The following SPATA16 variants were observed in gnomAD, a reference collection of about 807,000 sequenced individuals.
The protein encoded by SPATA16 is spermatogenesis associated 16, also known as spermatogenesis-associated protein 16.
Under a neutral mutation model 63.3 loss-of-function variants are expected in SPATA16, and 36 were observed. The ratio of observed to expected loss-of-function variants is 0.57; its 90% CI spans 0.44 to 0.75. The LOEUF (loss-of-function observed/expected upper bound fraction) is 0.75, where lower values mean the gene tolerates loss of function less well. Ranked by LOEUF, SPATA16 falls within the 30% of genes least tolerant of loss-of-function variation. SPATA16 has a pLI of 0.00. For synonymous variants in SPATA16, 203 were observed against 216.7 expected, an observed-to-expected ratio of 0.94 and a Z score of 0.56; for missense variants, 646 against 679.3, an observed-to-expected ratio of 0.95 and a Z score of 0.54.
chr3:173,037,327 A>G (rs1247828673), intron 3 of SPATA16, among the ~76,000 whole-genome samples: 2 of 152,078 alleles, frequency 1.3e-5, no homozygotes, highest in Non-Finnish European at 2.9e-5. Flanking sequence ...CTACTTTCCC[A>G]GAGCCTGTAT....
chr3:172,999,256 T>A (rs996407697), intron 4 of SPATA16, among the ~76,000 whole-genome samples: 2 of 152,220 alleles, frequency 1.3e-5, no homozygotes, highest in African/African-American at 2.4e-5. Context: ...CTATTTCTTC[T>A]TGTGTGAATT....
At chr3:173,076,390 T>C (rs1736803319) in intron 2 of SPATA16, among the ~76,000 whole-genome samples, 1 of 143,650 alleles carries the variant, frequency 7.0e-6, no homozygotes, top group Non-Finnish European at 1.5e-5. Context: ...TCCTGGTTAG[T>C]ATAAAATTTT....
chr3:172,898,268 G>A (rs1464443452), intron 10 of SPATA16, among the ~76,000 whole-genome samples: 1 of 151,820 alleles, frequency 6.6e-6, no homozygotes, highest in Non-Finnish European at 1.5e-5. Flanking sequence ...ACATGAATTG[G>A]GAAGGGTTTG....
intron 6 of SPATA16, among the ~76,000 whole-genome samples, chr3:172,928,808 G>T (rs895205386): frequency 1.3e-5 from 2 of 152,120 alleles, no homozygotes; most frequent in African/African-American, 4.8e-5. Flanking sequence ...AAATGTAGGA[G>T]GCTCCTATAT....
intron 2 of SPATA16, among the ~76,000 whole-genome samples, chr3:173,108,272 T>G (rs2108330025): frequency 6.6e-6 from 1 of 152,148 alleles, no homozygotes; most frequent in East Asian, 1.9e-4. Flanking sequence ...AGTCATTAAG[T>G]AAGTTAATTT....
intron 10 of SPATA16, among the ~76,000 whole-genome samples, chr3:172,910,934 G>A (rs373885220): frequency 3.3e-5 from 5 of 152,342 alleles, no homozygotes; most frequent in South Asian, 4.1e-4. Flanking sequence ...TTTCGTGCCA[G>A]TTGTTAACCT....
chr3:172,896,244 G>T (rs144166008), intron 10 of SPATA16, among the ~76,000 whole-genome samples: 18 of 152,194 alleles, frequency 1.2e-4, no homozygotes, highest in Admixed American at 3.9e-4. Flanking sequence ...TTTTTGAGAC[G>T]GAGTCTCGCT....
chr3:172,894,621 A>G (rs973571516), intron 10 of SPATA16, among the ~76,000 whole-genome samples: 4 of 152,202 alleles, frequency 2.6e-5, no homozygotes, highest in African/African-American at 9.7e-5. Flanking sequence ...CCAGGAAACT[A>G]TGTGTTATGG....
rs1159635103 is a variant in SPATA16, at chr3:173,019,977, T to A, written c.759-402A>T. On this transcript the variant is annotated intron_variant, in intron 3 of 10. Coordinates refer to ENST00000351008, the MANE Select transcript of SPATA16 (RefSeq NM_031955.6). ...TTTAATGAAGAAAGAGATTGTTAGT[T>A]GCTGAATTTCAGTTAAAAAAAAAAA... is the stretch of plus-strand genomic sequence containing the variant. Among the ~76,000 whole-genome samples, 4 of 150,690 alleles carry A rather than the reference T, an allele frequency of 2.7e-5. No homozygotes were observed. The South Asian group carries it at 6.3e-4, about 24-fold the overall frequency.
intron 5 of SPATA16, among the ~76,000 whole-genome samples, chr3:172,963,507 A>G (rs975005846): frequency 6.6e-6 from 1 of 151,912 alleles, no homozygotes; most frequent in Admixed American, 6.6e-5. Context: ...ACTGCTATAT[A>G]ATTTTAGAAC....
intron 2 of SPATA16, among the ~76,000 whole-genome samples, chr3:173,062,881 G>A (rs753384489): frequency 3.9e-5 from 6 of 152,078 alleles, no homozygotes; most frequent in African/African-American, 7.2e-5. Context: ...TAGATCCCTC[G>A]CATATACAGT....
chr3:172,917,483 G>T (rs993393831), intron 8 of SPATA16, among the ~76,000 whole-genome samples: 2 of 152,128 alleles, frequency 1.3e-5, no homozygotes, highest in Non-Finnish European at 2.9e-5. Flanking sequence ...TAGAGCAGGG[G>T]CCCCCTGGAC....
At chr3:173,011,937 C>G (rs1459370871) in intron 4 of SPATA16, among the ~76,000 whole-genome samples, 3 of 152,060 alleles carry the variant, frequency 2.0e-5, no homozygotes, top group African/African-American at 7.2e-5. Context: ...CCTTAGCCTA[C>G]TGAGTAGCTA....
At chr3:172,908,353 A>G (rs1248164785) in intron 10 of SPATA16, among the ~76,000 whole-genome samples, 1 of 152,220 alleles carries the variant, frequency 6.6e-6, no homozygotes, top group Non-Finnish European at 1.5e-5. Context: ...TTGTATTTGC[A>G]TAGCTAAACC....
At position 173,061,041 on chromosome 3, in the gene SPATA16, C is replaced by T. The variant is rs377396366; in HGVS notation, c.613-11947G>A. On this transcript the variant is annotated intron_variant, in intron 2 of 10. Coordinates refer to ENST00000351008, the MANE Select transcript of SPATA16 (RefSeq NM_031955.6). Reference sequence around the variant, plus strand: ...CACCACAGTGCTGTTAGATCTTTTACATATAGAACTTCCTTTGCTAGAATT... The same window carrying T: ...CACCACAGTGCTGTTAGATCTTTTATATATAGAACTTCCTTTGCTAGAATT... Among the ~76,000 whole-genome samples, 411 of 152,250 alleles carry T rather than the reference C, an allele frequency of 2.7e-3. 3 individuals are homozygous for T. Among genetic ancestry groups the T allele is most frequent in the Middle Eastern group, 0.01 (3 of 294 alleles).
chr3:172,984,552 T>C (rs545102920), intron 4 of SPATA16, among the ~76,000 whole-genome samples: 67 of 152,300 alleles, frequency 4.4e-4, no homozygotes, highest in African/African-American at 1.6e-3. Flanking sequence ...CTCTGGACTT[T>C]TGTAACAAGC....
intron 3 of SPATA16, among the ~76,000 whole-genome samples, chr3:173,047,750 T>G (rs1398604425): frequency 6.6e-6 from 1 of 152,112 alleles, no homozygotes; most frequent in African/African-American, 2.4e-5. Context: ...TCTTGATTTT[T>G]TTTTAAAACT....
intron 3 of SPATA16, among the ~76,000 whole-genome samples, chr3:173,040,324 A>C (rs1189806328): frequency 6.6e-6 from 1 of 152,058 alleles, no homozygotes; most frequent in African/African-American, 2.4e-5. Context: ...CTTTTTATAC[A>C]AATAAGCCTA....
At chr3:173,027,835 T>C (rs1735486596) in intron 3 of SPATA16, among the ~76,000 whole-genome samples, 1 of 151,938 alleles carries the variant, frequency 6.6e-6, no homozygotes, top group South Asian at 2.1e-4. Context: ...CAGAGACATA[T>C]GTTTTGCTTC....
Sources: allele counts gnomAD v4.1 joint callset (sites outside exome capture counted in the v4.1 genomes callset), GRCh38; gene constraint gnomAD v4.1.1; transcripts MANE v1.5; gene names NCBI Gene and HGNC (gene_info 2026-07-23, HGNC 2026-07-21).